Variants in RFTN2 observed in about 807,000 individuals in gnomAD.
RFTN2 encodes the protein raftlin family member 2, also known as raftlin-2.
Under a neutral mutation model 52.7 loss-of-function variants are expected in RFTN2, and 34 were observed. The observed-to-expected ratio is 0.64, with a 90% CI of 0.49 to 0.86. The LOEUF is 0.86. Among genes scored for constraint, RFTN2 ranks in the 40% least tolerant of loss-of-function variants. RFTN2 has a pLI of 0.00. For missense variants in RFTN2, 536 were observed against 600.1 expected, an observed-to-expected ratio of 0.89 and a Z score of 1.12; for synonymous variants, 203 against 217.7, an observed-to-expected ratio of 0.93 and a Z score of 0.59.
chr2:197,667,540 T>C (rs1165514975), intron 1 of RFTN2, among the ~76,000 whole-genome samples: 1 of 152,256 alleles, frequency 6.6e-6, no homozygotes, highest in East Asian at 1.9e-4. Flanking sequence ...TTGATATCTA[T>C]GCATCTGGTG....
chr2:197,599,542 G>T (rs370116201), intron 7 of RFTN2, among the ~76,000 whole-genome samples: 1 of 152,146 alleles, frequency 6.6e-6, no homozygotes, highest in East Asian at 1.9e-4. Flanking sequence ...TCAAAGGCTC[G>T]GTGGGTTGGA....
chr2:197,660,084 C>G (rs895762980), intron 1 of RFTN2, among the ~76,000 whole-genome samples: 2 of 152,150 alleles, frequency 1.3e-5, no homozygotes, highest in African/African-American at 4.8e-5. Flanking sequence ...GCCCAAACTG[C>G]TAGTAAGTGG....
At chr2:197,630,957 T>G (rs1482881391) in intron 5 of RFTN2, 54 bp downstream of exon 5, 1 of 1,225,144 alleles carries the variant, frequency 8.2e-7, no homozygotes, top group Non-Finnish European at 1.2e-6. Flanking sequence ...TTTCACTGAT[T>G]TTGATACAAG....
intron 5 of RFTN2, 98 bp downstream of exon 5, chr2:197,630,913 C>T (rs928577605): frequency 7.6e-6 from 6 of 785,476 alleles, no homozygotes; most frequent in Admixed American, 2.4e-5. Flanking sequence ...TGGTATCTGT[C>T]CTTTCAGCCA....
intron 5 of RFTN2, among the ~76,000 whole-genome samples, chr2:197,626,989 G>A (rs1454692975): frequency 6.6e-6 from 1 of 152,142 alleles, no homozygotes; most frequent in Non-Finnish European, 1.5e-5. Context: ...TTAGCACAAC[G>A]CTGGTGTATA....
chr2:197,666,394 G>A (rs1474502627), intron 1 of RFTN2, among the ~76,000 whole-genome samples: 2 of 152,176 alleles, frequency 1.3e-5, no homozygotes, highest in Non-Finnish European at 2.9e-5. Flanking sequence ...CCATTTATGA[G>A]GCTAATTTTG....
chr2:197,657,928 G>A (rs2088916051), intron 1 of RFTN2, among the ~76,000 whole-genome samples: 1 of 152,074 alleles, frequency 6.6e-6, no homozygotes, highest in Non-Finnish European at 1.5e-5. Context: ...GAGATTGGAG[G>A]GCTGTTAGGA....
In RFTN2 at chr2:197,596,016, C is replaced by T. The variant is rs767242667; in HGVS notation, c.1208G>A (p.Trp403Ter). 1 of 1,612,126 alleles carries T rather than the reference C, an allele frequency of 6.2e-7. No individual in the cohort carries two copies. The highest frequency in any genetic ancestry group is 8.5e-7 in the Non-Finnish European group (1 of 1,178,488). The change falls in exon 8 of 9, where the codon TGG (tryptophan) becomes TAG (stop). Residue 403 changes from tryptophan to a stop codon, truncating the protein, a stop_gained. Coordinates refer to ENST00000295049, the MANE Select transcript of RFTN2 (RefSeq NM_144629.3). LOFTEE classifies it low-confidence loss of function (END_TRUNC). ...QIVFLQRPVM[W>*]NSAAQTPDKK... The stretch of plus-strand genomic sequence containing the variant: ...ATCTGGTGTTTGAGCAGCTGAATTC[C>T]ACATAACTGGCCTCTGAAGGAATAC...
chr2:197,601,901 T>A (rs1184448897), intron 7 of RFTN2, among the ~76,000 whole-genome samples: 1 of 152,142 alleles, frequency 6.6e-6, no homozygotes, highest in African/African-American at 2.4e-5. Flanking sequence ...ATCCGTGGTA[T>A]TAAAGTGTGA....
chr2:197,595,821 C>T (rs2087785720), intron 8 of RFTN2, among the ~76,000 whole-genome samples, 170 bp downstream of exon 8: 1 of 152,228 alleles, frequency 6.6e-6, no homozygotes, highest in Non-Finnish European at 1.5e-5. Context: ...TTATAATCCC[C>T]TTTGGAACTA....
chr2:197,655,563 C>T (rs569500982), intron 1 of RFTN2, among the ~76,000 whole-genome samples: 24 of 152,194 alleles, frequency 1.6e-4, no homozygotes, highest in Non-Finnish European at 1.6e-4. Context: ...TGGTGGCTCA[C>T]GCCTGTAATC....
chr2:197,667,870 T>A (rs571619886), intron 1 of RFTN2, among the ~76,000 whole-genome samples: 1 of 152,114 alleles, frequency 6.6e-6, no homozygotes, highest in Non-Finnish European at 1.5e-5. Flanking sequence ...GTGAGGCACA[T>A]GTTGGCACTG....
In RFTN2 at chr2:197,569,609, A is replaced by G. The variant is rs1465179451; in HGVS notation, c.*2399T>C. 6.6e-6 allele frequency: 1 copy of G among 152,178 alleles called. No homozygotes were observed. The allele number at this position is 152,178 out of a possible 1,614,324, so 9.4% of individuals were successfully genotyped here. On this transcript the variant is annotated 3_prime_UTR_variant, in exon 9 of 9. Transcript: ENST00000295049. ...TAAAAATAAACGGGAGGGGAGAAAAAAATAAACTGAGAAAGTATGCTTACA... is the reference window on the plus strand; with the variant it reads ...TAAAAATAAACGGGAGGGGAGAAAAGAATAAACTGAGAAAGTATGCTTACA...
rs114967119 is a variant in RFTN2, at chr2:197,574,318, G to C, written c.1234-2038C>G. Among the ~76,000 whole-genome samples the C allele has an allele frequency of 1.5e-3, 228 of 152,276 alleles. 1 individual carries two copies. The highest frequency in any genetic ancestry group is 5.0e-3 in the African/African-American group (208 of 41,556). On this transcript the variant is annotated intron_variant, in intron 8 of 8. Transcript: ENST00000295049. ...GCATCAGTGTGACCTGGATGTTAGG[G>C]AGTCAAAAGAGATAATTTTAGAGCT...
chr2:197,644,294 T>C, intron 2 of RFTN2, 22 bp from the exon 3 acceptor site: 1 of 1,389,326 alleles, frequency 7.2e-7, no homozygotes, highest in Non-Finnish European at 1.0e-6. Flanking sequence ...GGAATATGTT[T>C]ATGGTTGGAG....
chr2:197,568,868 A>G lies in RFTN2; in HGVS notation c.*3140T>C, dbSNP rs1051049107. On this transcript the variant is annotated 3_prime_UTR_variant, in exon 9 of 9. Coordinates refer to ENST00000295049, the MANE Select transcript of RFTN2 (RefSeq NM_144629.3). ...AAAGAAATGAAAATGCATCTGTTAC[A>G]TTTATATTCAAATATATAAACACCT... 1.3e-5 allele frequency: 2 copies of G among 152,218 alleles called. No individual in the cohort carries two copies. Among genetic ancestry groups the G allele is most frequent in the African/African-American group, 4.8e-5 (2 of 41,450 alleles). The allele number at this position is 152,218 out of a possible 1,614,324, so 9.4% of individuals were successfully genotyped here.
intron 8 of RFTN2, among the ~76,000 whole-genome samples, chr2:197,576,465 T>C (rs1574673223): frequency 6.6e-6 from 1 of 152,224 alleles, no homozygotes; most frequent in African/African-American, 2.4e-5. Flanking sequence ...AAAGAGCTCA[T>C]TTACTGAAAA....
At chr2:197,607,883 T>G (rs1272718952) in intron 7 of RFTN2, among the ~76,000 whole-genome samples, 1 of 152,118 alleles carries the variant, frequency 6.6e-6, no homozygotes, top group African/African-American at 2.4e-5. Context: ...TATGTTCAGA[T>G]GAGAAAGAGC....
chr2:197,638,364 G>C (rs1217245993), intron 3 of RFTN2, among the ~76,000 whole-genome samples: 1 of 100,910 alleles, frequency 9.9e-6, no homozygotes, highest in Non-Finnish European at 2.1e-5. Flanking sequence ...TTATTATTGT[G>C]TGGGAGTCTA....
Sources: allele counts gnomAD v4.1 joint callset (sites outside exome capture counted in the v4.1 genomes callset), GRCh38; gene constraint gnomAD v4.1.1; transcripts MANE v1.5; gene names NCBI Gene and HGNC (gene_info 2026-07-23, HGNC 2026-07-21).